Variants in FAM133A observed in about 807,000 individuals in gnomAD.
FAM133A encodes the protein family with sequence similarity 133 member A.
For missense variants in FAM133A, 159 were observed against 164.4 expected (o/e 0.97, Z 0.18); for synonymous variants, 65 against 58.6 (o/e 1.11, Z -0.50).
At chrX:93,701,289 T>C (rs762372126) in intron 3 of FAM133A, among the ~76,000 whole-genome samples, 2 of 111,795 alleles carry the variant, frequency 1.8e-5, no homozygotes, top group Admixed American at 9.5e-5. Flanking sequence ...CCAAATAAAA[T>C]TGATTTTAGG....
chrX:93,703,247 T>C (rs771004990), intron 3 of FAM133A, among the ~76,000 whole-genome samples: 1 of 111,329 alleles, frequency 9.0e-6, no homozygotes, highest in Non-Finnish European at 1.9e-5. Flanking sequence ...TGATTACTCC[T>C]CAAGACAGTC....
intron 2 of FAM133A, among the ~76,000 whole-genome samples, chrX:93,693,645 T>A (rs989476838): frequency 9.0e-6 from 1 of 111,348 alleles, no homozygotes; most frequent in African/African-American, 3.3e-5. Context: ...GACTAAAAGA[T>A]CAGCCTATGG....
chrX:93,685,269 C>G (rs1925436778), intron 2 of FAM133A, among the ~76,000 whole-genome samples: 2 of 111,669 alleles, frequency 1.8e-5, no homozygotes, highest in Non-Finnish European at 3.8e-5. Flanking sequence ...GTTGGCTAAC[C>G]ATTCTTCTGA....
At chrX:93,701,093 A>G (rs1033433423) in intron 3 of FAM133A, among the ~76,000 whole-genome samples, 1 of 111,715 alleles carries the variant, frequency 9.0e-6, no homozygotes, top group Admixed American at 9.6e-5. Context: ...GACATATTTT[A>G]GATTGCAAAT....
chrX:93,689,764 T>C (rs764523005), intron 2 of FAM133A, among the ~76,000 whole-genome samples: 5 of 111,568 alleles, frequency 4.5e-5, no homozygotes, highest in Non-Finnish European at 7.5e-5. Flanking sequence ...TTAGCACCTA[T>C]GCATAAGGAT....
At chrX:93,690,040 GAA>G (rs375155088) in intron 2 of FAM133A, among the ~76,000 whole-genome samples, 7 of 99,763 alleles carry the variant, frequency 7.0e-5, no homozygotes, top group African/African-American at 2.5e-4. Context: ...ATGAAAACTG[GAA>G]AAAAAAAAAG....
At chrX:93,693,921 G>A (rs1463190416) in intron 2 of FAM133A, among the ~76,000 whole-genome samples, 3 of 111,329 alleles carry the variant, frequency 2.7e-5, no homozygotes, top group South Asian at 7.4e-4. Context: ...AATAGATTAT[G>A]AATATAATAT....
At position 93,711,987 on chromosome X, in the gene FAM133A, C is replaced by G. The variant is rs977494312; in HGVS notation, c.*1821C>G. ...TATCTGCTCCTGTTCACTTCCAAAC[C>G]TCTTGTAGTTAGGCAATGCCATTTG... On this transcript the variant is annotated 3_prime_UTR_variant, in exon 4 of 4. Coordinates refer to ENST00000683942, the MANE Select transcript of FAM133A (RefSeq NM_001171109.2). The G allele has an allele frequency of 2.4e-5, 3 of 123,101 alleles. No homozygotes were observed. The highest frequency in any genetic ancestry group is 9.8e-5 in the African/African-American group (3 of 30,682). The allele number at this position is 123,101 out of a possible 1,213,427, so 10.1% of individuals were successfully genotyped here. A position where few individuals can be genotyped will look rare whatever the true frequency, so the allele number is the denominator to read the frequency against.
chrX:93,709,018 G>A (rs750047908), intron 3 of FAM133A, among the ~76,000 whole-genome samples: 2 of 111,450 alleles, frequency 1.8e-5, no homozygotes, highest in African/African-American at 6.5e-5. Flanking sequence ...AAGCAGGAAT[G>A]AAAGAAAGGA....
chrX:93,687,681 G>A (rs986124091), intron 2 of FAM133A, among the ~76,000 whole-genome samples: 1 of 110,887 alleles, frequency 9.0e-6, no homozygotes, highest in African/African-American at 3.3e-5. Context: ...TTCTTCTAGC[G>A]ATTTTGAAAT....
At chrX:93,679,915 ATTTTT>A (rs376335726) in intron 2 of FAM133A, among the ~76,000 whole-genome samples, 1 of 62,443 alleles carries the variant, frequency 1.6e-5, no homozygotes, top group African/African-American at 8.3e-5. Flanking sequence ...CTCCTGGCAA[ATTTTT>A]TTTTTTTTTT....
intron 3 of FAM133A, among the ~76,000 whole-genome samples, chrX:93,708,412 A>G (rs1160313614): frequency 1.8e-5 from 2 of 112,026 alleles, no homozygotes; most frequent in Non-Finnish European, 3.8e-5. Context: ...GTGTGGGACT[A>G]GAATAAAAGG....
chrX:93,687,319 G>T (rs1332167602), intron 2 of FAM133A, among the ~76,000 whole-genome samples: 1 of 110,614 alleles, frequency 9.0e-6, no homozygotes, highest in Non-Finnish European at 1.9e-5. Flanking sequence ...ATGATATAAT[G>T]GACTTTGAGG....
Position 93,690,623 on chromosome X carries a change from G to A in FAM133A, c.-192-7774G>A, listed in dbSNP as rs778407848. ...CATTTTATTCATCCATTTACTAGGT[G>A]GTGGATATTTGGACTGTTTCCAGTT... On this transcript the variant is annotated intron_variant, in intron 2 of 3. Transcript: ENST00000683942. Among the ~76,000 whole-genome samples, 6 of 111,566 alleles carry A rather than the reference G, an allele frequency of 5.4e-5. No homozygotes were observed. In the South Asian group the frequency reaches 2.2e-3, roughly 41 times the overall value.
intron 2 of FAM133A, among the ~76,000 whole-genome samples, chrX:93,676,558 G>A (rs537056612): frequency 2.6e-4 from 28 of 109,124 alleles, no homozygotes; most frequent in African/African-American, 8.9e-4. Context: ...AGGAAATAAC[G>A]CATGATATTG....
chrX:93,681,239 C>T (rs1160777014), intron 2 of FAM133A, among the ~76,000 whole-genome samples: 1 of 110,053 alleles, frequency 9.1e-6, no homozygotes, highest in Non-Finnish European at 1.9e-5. Flanking sequence ...ATCTTATGTG[C>T]ATATGATATA....
In FAM133A at chrX:93,710,315, C is replaced by G; in HGVS notation, c.*149C>G. ...TTCAATATACATTTTTGTTTGTTTG[C>G]TTGTCCTTCCTTCTAATGGTTAATT... On this transcript the variant is annotated 3_prime_UTR_variant, in exon 4 of 4. Transcript: ENST00000683942. 1 of 558,438 alleles carries G rather than the reference C, an allele frequency of 1.8e-6. No individual in the cohort carries two copies. The highest frequency in any genetic ancestry group is 2.7e-6 in the Non-Finnish European group (1 of 372,453). The allele number at this position is 558,438 out of a possible 1,213,427, so 46.0% of individuals were successfully genotyped here. A position where few individuals can be genotyped will look rare whatever the true frequency, so the allele number is the denominator to read the frequency against.
chrX:93,676,160 C>A (rs937948951), intron 2 of FAM133A, among the ~76,000 whole-genome samples: 2 of 111,182 alleles, frequency 1.8e-5, no homozygotes, highest in Non-Finnish European at 3.8e-5. Flanking sequence ...TCTCTAAATT[C>A]TTTTCTGATC....
At chrX:93,695,315 G>A (rs1236419497) in intron 2 of FAM133A, among the ~76,000 whole-genome samples, 4 of 110,819 alleles carry the variant, frequency 3.6e-5, no homozygotes, top group African/African-American at 9.9e-5. Flanking sequence ...GTTCAATGGC[G>A]CAATCTAGGC....
Sources: gnomAD v4.1 joint callset for allele counts (sites outside exome capture counted in the v4.1 genomes callset) on GRCh38, gnomAD v4.1.1 for gene constraint, MANE v1.5 for transcripts, NCBI Gene and HGNC (gene_info 2026-07-23, HGNC 2026-07-21) for gene names.